The following MICAL2 variants were observed in gnomAD, a reference collection of about 807,000 sequenced individuals.
MICAL2 encodes the protein [F-actin]-monooxygenase MICAL2.
A neutral mutation model predicts 127.3 loss-of-function variants in MICAL2; 77 were observed. The ratio of observed to expected loss-of-function variants is 0.60; its 90% CI spans 0.50 to 0.73. The LOEUF (loss-of-function observed/expected upper bound fraction) is 0.73, where lower values mean the gene tolerates loss of function less well. Ranked by LOEUF, MICAL2 falls within the 30% of genes least tolerant of loss-of-function variation. MICAL2 has a pLI of 0.00. For synonymous variants in MICAL2, 570 were observed against 551.1 expected (o/e 1.03, Z -0.48); for missense variants, 1,351 against 1,434.4 (o/e 0.94, Z 0.94).
chr11:12,129,037 C>T (rs1851184151), intron 1 of MICAL2, among the ~76,000 whole-genome samples: 1 of 152,160 alleles, frequency 6.6e-6, no homozygotes, highest in Non-Finnish European at 1.5e-5. Flanking sequence ...AATGTCCATC[C>T]TCTCTGCAGG....
chr11:12,220,454 T>C lies in MICAL2; in HGVS notation c.1202T>C (p.Leu401Pro). ...LLVALVGDSL[L>P]EPFWPMGTGC... The stretch of plus-strand genomic sequence containing the variant: ...GTGGCCCTTGTGGGTGACAGCTTGC[T>C]TGAGGTACTGCCTGAGCTCGGAGCC... Residue 401 changes from leucine (L) to proline (P), a missense_variant, in exon 9 of 28, where the codon CTT becomes CCT. Around this residue, in one of 2 missense-constraint regions of MICAL2, gnomAD observed 599 missense variants for 714.9 expected, o/e 0.84. Transcript: ENST00000683283. 1 of 1,608,118 alleles carries C rather than the reference T, an allele frequency of 6.2e-7. No homozygotes were observed. The highest frequency in any genetic ancestry group is 1.3e-5 in the African/African-American group (1 of 75,042).
At chr11:12,252,471 C>T (rs1386422106) in intron 22 of MICAL2, 3 of 152,290 alleles carry the variant, frequency 2.0e-5, no homozygotes, top group Admixed American at 6.5e-5. Flanking sequence ...CATCCATGTC[C>T]TCTGCAGGCC....
chr11:12,192,933 G>A (rs1859399518), intron 3 of MICAL2, among the ~76,000 whole-genome samples: 1 of 152,144 alleles, frequency 6.6e-6, no homozygotes. Context: ...ACCCTGCCTG[G>A]TAGGAACTGC....
At chr11:12,198,097 A>C (rs1860180159) in intron 3 of MICAL2, among the ~76,000 whole-genome samples, 1 of 151,926 alleles carries the variant, frequency 6.6e-6, no homozygotes, top group Non-Finnish European at 1.5e-5. Context: ...CCTACTGGCC[A>C]ACCCCCTCTC....
chr11:12,132,976 G>A (rs768370989), intron 1 of MICAL2, among the ~76,000 whole-genome samples: 3 of 152,214 alleles, frequency 2.0e-5, no homozygotes, highest in African/African-American at 4.8e-5. Context: ...TCATTTGTGT[G>A]TTCATCTCAT....
chr11:12,202,063 G>A (rs978105152), intron 3 of MICAL2, among the ~76,000 whole-genome samples: 4 of 151,984 alleles, frequency 2.6e-5, no homozygotes, highest in East Asian at 3.9e-4. Context: ...CAGAGGTTGC[G>A]GTGAGCCAAA....
At chr11:12,356,919 T>G (rs936510952) in intron 34 of MICAL2, among the ~76,000 whole-genome samples, 9 of 152,358 alleles carry the variant, frequency 5.9e-5, no homozygotes, top group African/African-American at 1.7e-4. Context: ...CTTTCCAGAA[T>G]TCTGAACAAG....
intron 33 of MICAL2, among the ~76,000 whole-genome samples, chr11:12,351,676 G>GGGTT (rs1939048578): frequency 6.6e-6 from 1 of 152,188 alleles, no homozygotes; most frequent in African/African-American, 2.4e-5. Context: ...AGGAAGGGTA[G>GGGTT]GGTTGGGAGA....
chr11:12,294,401 G>A (rs755943970), downstream of MICAL2: 3 of 1,614,160 alleles, frequency 1.9e-6, no homozygotes, highest in Middle Eastern at 3.3e-4. Context: ...TAAAGACGGG[G>A]ACCAGCATTC....
intron 2 of MICAL2, among the ~76,000 whole-genome samples, chr11:12,284,864 C>T (rs1175181962): frequency 6.6e-6 from 1 of 152,162 alleles, no homozygotes; most frequent in African/African-American, 2.4e-5. Flanking sequence ...GGATTGGGAA[C>T]CTGCCAGACA....
At chr11:12,310,791 C>T (rs1393001534) in intron 29 of MICAL2, among the ~76,000 whole-genome samples, 2 of 151,934 alleles carry the variant, frequency 1.3e-5, no homozygotes, top group Non-Finnish European at 2.9e-5. Flanking sequence ...CGATATTCTT[C>T]CATTTCATGA....
intron 6 of MICAL2, among the ~76,000 whole-genome samples, chr11:12,212,926 G>A (rs749008121): frequency 9.2e-5 from 14 of 152,246 alleles, no homozygotes; most frequent in Non-Finnish European, 1.5e-4. Flanking sequence ...CAAAGTGCAT[G>A]TGGGTCTCTC....
chr11:12,115,651 A>T (rs571257362), intron 1 of MICAL2, among the ~76,000 whole-genome samples: 18 of 152,254 alleles, frequency 1.2e-4, no homozygotes, highest in Middle Eastern at 3.4e-3. Flanking sequence ...ATCTAACAAA[A>T]TTTTAAGTTT....
At chr11:12,217,019 C>T (rs1162344186) in intron 8 of MICAL2, among the ~76,000 whole-genome samples, 1 of 152,216 alleles carries the variant, frequency 6.6e-6, no homozygotes, top group Non-Finnish European at 1.5e-5. Context: ...CTGGCCTCTG[C>T]TTCGTGGCCT....
At chr11:12,287,566 A>G (rs1483516909), downstream of MICAL2, among the ~76,000 whole-genome samples, 5 of 152,048 alleles carry the variant, frequency 3.3e-5, no homozygotes, top group Non-Finnish European at 7.4e-5. Flanking sequence ...CCTCACACAA[A>G]ACAGGATGCT....
chr11:12,222,514 C>T, intron 10 of MICAL2, 103 bp from the exon 11 acceptor site: 1 of 1,463,784 alleles, frequency 6.8e-7, no homozygotes, highest in Non-Finnish European at 9.3e-7. Flanking sequence ...CAAACATGTC[C>T]AGGAAGCCCT....
At chr11:12,206,813 C>A (rs1439120536) in intron 4 of MICAL2, among the ~76,000 whole-genome samples, 2 of 152,164 alleles carry the variant, frequency 1.3e-5, no homozygotes, top group African/African-American at 4.8e-5. Context: ...CAGATCACAG[C>A]TTATGCCTCC....
intron 3 of MICAL2, among the ~76,000 whole-genome samples, chr11:12,192,549 G>A (rs1173090876): frequency 2.0e-5 from 3 of 152,144 alleles, no homozygotes; most frequent in Non-Finnish European, 2.9e-5. Context: ...TGAGGCGGGC[G>A]GGTGAATCAC....
At chr11:12,209,944 A>G (rs569729871) in intron 6 of MICAL2, among the ~76,000 whole-genome samples, 1 of 152,318 alleles carries the variant, frequency 6.6e-6, no homozygotes, top group Non-Finnish European at 1.5e-5. Flanking sequence ...AACATCCATT[A>G]TTGAGCACCT....
Sources: gnomAD v4.1 joint callset for allele counts (sites outside exome capture counted in the v4.1 genomes callset) on GRCh38, gnomAD v4.1.1 for gene constraint, gnomAD v4.1.1 regional missense constraint, MANE v1.5 for transcripts, NCBI Gene and HGNC (gene_info 2026-07-23, HGNC 2026-07-21) for gene names.